Variants in XKR6 observed in about 807,000 individuals in gnomAD.
XKR6 encodes XK-related protein 6.
In XKR6, 22 loss-of-function variants were observed where a neutral mutation model predicts 56.7. The ratio of observed to expected loss-of-function variants is 0.39; its 90% CI spans 0.28 to 0.55. The LOEUF is 0.55. XKR6 is among the 20% of genes least tolerant of loss of function. XKR6 has a pLI of 0.66. For missense variants in XKR6, 852 were observed against 889.0 expected (o/e 0.96, Z 0.53); for synonymous variants, 524 against 387.8 (o/e 1.35, Z -4.13).
intron 1 of XKR6, among the ~76,000 whole-genome samples, chr8:11,130,334 G>A (rs1020625794): frequency 5.3e-5 from 8 of 152,020 alleles, no homozygotes; most frequent in African/African-American, 1.7e-4. Flanking sequence ...GGATTTTTAC[G>A]TTTTCCAAAG....
At chr8:10,901,492 C>G (rs1800035128) in intron 2 of XKR6, among the ~76,000 whole-genome samples, 1 of 152,176 alleles carries the variant, frequency 6.6e-6, no homozygotes, top group South Asian at 2.1e-4. Flanking sequence ...TCTTCATAGT[C>G]TGGACCAGGC....
At chr8:11,180,915 A>T (rs1317301230) in intron 1 of XKR6, among the ~76,000 whole-genome samples, 1 of 152,176 alleles carries the variant, frequency 6.6e-6, no homozygotes, top group African/African-American at 2.4e-5. Flanking sequence ...TCTAAAATAT[A>T]AAAATAATAA....
Position 11,057,636 on chromosome 8 carries a change from G to A in XKR6, c.765-132806C>T, listed in dbSNP as rs553023982. Among the ~76,000 whole-genome samples the A allele has an allele frequency of 1.3e-3, 199 of 152,280 alleles. 3 individuals carry two copies. The Middle Eastern group carries it at 0.031, about 23-fold the overall frequency. ...TGTTCAGCAGGAGTCCCTGTGTTGG[G>A]TGGAATGAAGGAAGGACCCAGGCTC... is the stretch of plus-strand genomic sequence containing the variant. On this transcript the variant is annotated intron_variant, in intron 1 of 2. Coordinates refer to ENST00000416569, the MANE Select transcript of XKR6 (RefSeq NM_173683.4).
At chr8:10,927,855 C>A (rs950933390) in intron 1 of XKR6, among the ~76,000 whole-genome samples, 3 of 152,104 alleles carry the variant, frequency 2.0e-5, no homozygotes, top group Admixed American at 2.0e-4. Context: ...ACGTTGGGGC[C>A]TAGAGGGCAC....
chr8:11,105,150 G>C (rs778661623), intron 1 of XKR6: 1 of 152,146 alleles, frequency 6.6e-6, no homozygotes, highest in Non-Finnish European at 1.5e-5. Context: ...GCAGAACTGA[G>C]ACTGAATATG....
intron 1 of XKR6, among the ~76,000 whole-genome samples, chr8:11,016,477 T>C (rs1798626072): frequency 6.6e-6 from 1 of 152,130 alleles, no homozygotes; most frequent in African/African-American, 2.4e-5. Context: ...ACAAGCTAGA[T>C]CCTGAGCCCT....
chr8:11,090,185 A>G (rs778648303), intron 1 of XKR6, among the ~76,000 whole-genome samples: 3 of 152,172 alleles, frequency 2.0e-5, no homozygotes, highest in Non-Finnish European at 2.9e-5. Context: ...CCTGGGCTCA[A>G]GCGATCCTCC....
Position 11,117,053 on chromosome 8 carries a change from G to C in XKR6, c.764+83523C>G, listed in dbSNP as rs553300519. Among the ~76,000 whole-genome samples, 91 of 152,304 alleles carry C rather than the reference G, an allele frequency of 6.0e-4. 2 individuals carry two copies. The South Asian group carries it at 0.018, about 31-fold the overall frequency. On this transcript the variant is annotated intron_variant, in intron 1 of 2. Coordinates refer to ENST00000416569, the MANE Select transcript of XKR6 (RefSeq NM_173683.4). Reference sequence around the variant, plus strand: ...TAATAGGATTGATGAATTCTAGTGAGTTAGTTACAAATTTAGACTAACTAT... The same window carrying C: ...TAATAGGATTGATGAATTCTAGTGACTTAGTTACAAATTTAGACTAACTAT...
chr8:11,104,330 T>C (rs538964892), intron 1 of XKR6, among the ~76,000 whole-genome samples: 2 of 152,338 alleles, frequency 1.3e-5, no homozygotes, highest in Non-Finnish European at 2.9e-5. Flanking sequence ...ACCCCAATTT[T>C]AAATAGGCCA....
intron 1 of XKR6, among the ~76,000 whole-genome samples, chr8:10,952,007 C>T (rs975792331): frequency 3.3e-5 from 5 of 152,226 alleles, no homozygotes; most frequent in Non-Finnish European, 7.4e-5. Context: ...CAGGGGAAAT[C>T]GTGGGCCAGT....
At chr8:11,022,301 C>A (rs1028283947) in intron 1 of XKR6, among the ~76,000 whole-genome samples, 1 of 151,914 alleles carries the variant, frequency 6.6e-6, no homozygotes, top group Non-Finnish European at 1.5e-5. Flanking sequence ...GTAACCAAGC[C>A]CCATTGTTCC....
At chr8:11,112,853 C>G (rs1315107240) in intron 1 of XKR6, among the ~76,000 whole-genome samples, 1 of 152,094 alleles carries the variant, frequency 6.6e-6, no homozygotes, top group Non-Finnish European at 1.5e-5. Flanking sequence ...TACAGAAAGC[C>G]ACATACATGA....
In XKR6 at chr8:11,085,109, C is replaced by T. The variant is rs117852671; in HGVS notation, c.764+115467G>A. Among the ~76,000 whole-genome samples the T allele has an allele frequency of 2.5e-4, 38 of 152,240 alleles. No individual in the cohort carries two copies. The East Asian group carries it at 5.8e-3, about 23-fold the overall frequency. ...CTCCGCCTCCTCCTTCCAGGGTCTC[C>T]TCTGCAGCACTCCCTGGCCTCCCAG... On this transcript the variant is annotated intron_variant, in intron 1 of 2. Transcript: ENST00000416569.
At chr8:11,031,891 G>A (rs1333641291) in intron 1 of XKR6, among the ~76,000 whole-genome samples, 1 of 152,218 alleles carries the variant, frequency 6.6e-6, no homozygotes, top group Non-Finnish European at 1.5e-5. Context: ...ACCCAGCCCA[G>A]TCCCCAGCCT....
chr8:10,968,184 G>A (rs966982787), intron 1 of XKR6, among the ~76,000 whole-genome samples: 1 of 152,160 alleles, frequency 6.6e-6, no homozygotes, highest in African/African-American at 2.4e-5. Flanking sequence ...GTCTGTGCTG[G>A]TGTTTGAACC....
intron 1 of XKR6, among the ~76,000 whole-genome samples, chr8:10,944,302 T>C (rs934385878): frequency 6.6e-6 from 1 of 152,162 alleles, no homozygotes; most frequent in Non-Finnish European, 1.5e-5. Flanking sequence ...AAGATTTAAG[T>C]TGAACACAAG....
At chr8:11,053,089 C>A (rs1180244837) in intron 1 of XKR6, among the ~76,000 whole-genome samples, 1 of 152,172 alleles carries the variant, frequency 6.6e-6, no homozygotes, top group Non-Finnish European at 1.5e-5. Flanking sequence ...AGGGTGCAGC[C>A]AATGACTCCC....
At chr8:11,123,732 T>C (rs1479856846) in intron 1 of XKR6, 1 of 395,872 alleles carries the variant, frequency 2.5e-6, no homozygotes, top group Admixed American at 2.9e-5. Flanking sequence ...AGAAATCCAA[T>C]ATGCACCCCT....
intron 1 of XKR6, among the ~76,000 whole-genome samples, chr8:10,944,274 A>G (rs1251031503): frequency 1.3e-5 from 2 of 152,238 alleles, no homozygotes; most frequent in African/African-American, 4.8e-5. Context: ...CAAGGGCAGC[A>G]GCTAAATTCA....
Sources: gnomAD v4.1 joint callset for allele counts (sites outside exome capture counted in the v4.1 genomes callset) on GRCh38, gnomAD v4.1.1 for gene constraint, MANE v1.5 for transcripts, NCBI Gene and HGNC (gene_info 2026-07-23, HGNC 2026-07-21) for gene names.